Variants in EMSY observed in about 807,000 individuals in gnomAD.
The protein encoded by EMSY is EMSY transcriptional repressor, BRCA2 interacting, also known as BRCA2-interacting transcriptional repressor EMSY.
In EMSY, 26 loss-of-function variants were observed where a neutral mutation model predicts 134.6. The observed-to-expected ratio is 0.19, with a 90% CI of 0.14 to 0.27. The LOEUF is 0.27. Among genes scored for constraint, EMSY ranks in the 10% least tolerant of loss-of-function variants. EMSY has a pLI of 1.00. For synonymous variants in EMSY, 579 were observed against 577.8 expected (o/e 1.00, Z -0.03); for missense variants, 1,305 against 1,611.4 (o/e 0.81, Z 3.26).
chr11:76,465,739 TTTTA>T (rs1363946527), intron 7 of EMSY, among the ~76,000 whole-genome samples: 1 of 152,184 alleles, frequency 6.6e-6, no homozygotes, highest in Non-Finnish European at 1.5e-5. Context: ...TTTTGATCTC[TTTTA>T]TTTAGTTTTC....
At chr11:76,550,217 A>G in exon 21 of EMSY, 1 of 1,305,374 alleles carries the variant, frequency 7.7e-7, no homozygotes, top group Non-Finnish European at 1.0e-6. Flanking sequence ...TTGTATTTTG[A>G]TGACTAAAAA....
chr11:76,462,940 T>C (rs907549669), intron 6 of EMSY, among the ~76,000 whole-genome samples: 6 of 152,208 alleles, frequency 3.9e-5, no homozygotes, highest in Non-Finnish European at 2.9e-5. Context: ...GTGGACAGAC[T>C]GGAAGCATGG....
At chr11:76,529,096 T>G (rs1950945654) in intron 14 of EMSY, among the ~76,000 whole-genome samples, 1 of 152,196 alleles carries the variant, frequency 6.6e-6, no homozygotes, top group Non-Finnish European at 1.5e-5. Context: ...TGAATTATGT[T>G]ACTCTTCTAC....
intron 4 of EMSY, 21 bp downstream of exon 5, chr11:76,454,811 T>C (rs1432684414): frequency 2.0e-5 from 29 of 1,419,538 alleles, no homozygotes; most frequent in Non-Finnish European, 2.7e-5. Context: ...AGGTTATTAT[T>C]ATTTCAGGCT....
chr11:76,533,506 C>T (rs1224055442), intron 14 of EMSY, among the ~76,000 whole-genome samples: 2 of 151,938 alleles, frequency 1.3e-5, no homozygotes, highest in Non-Finnish European at 2.9e-5. Flanking sequence ...GTTCTCAGAC[C>T]CATGGGAATA....
intron 8 of EMSY, among the ~76,000 whole-genome samples, chr11:76,477,085 T>C (rs538567302): frequency 5.3e-5 from 8 of 152,014 alleles, no homozygotes; most frequent in Non-Finnish European, 1.0e-4. Flanking sequence ...ATTATACCTT[T>C]AATGTATTGT....
Position 76,499,450 on chromosome 11 carries a change from G to A in EMSY, c.1363+2981G>A, listed in dbSNP as rs1343303802. Among the ~76,000 whole-genome samples, 3 of 151,420 alleles carry A rather than the reference G, an allele frequency of 2.0e-5. No individual in the cohort carries two copies. In the East Asian group the frequency reaches 5.8e-4, roughly 29 times the overall value. On this transcript the variant is annotated intron_variant, in intron 9 of 20. Transcript: ENST00000334736. ...CTACAGGCGCCTGCCACCACACCCG[G>A]CTAATTTTTTGTATTTTTAGTAGAG...
chr11:76,464,163 T>C, intron 7 of EMSY, 83 bp downstream of exon 8: 1 of 1,473,634 alleles, frequency 6.8e-7, no homozygotes, highest in Non-Finnish European at 9.4e-7. Context: ...CACTGAGTGC[T>C]TACTATGTGC....
chr11:76,544,421 C>A lies in EMSY; in HGVS notation c.2872C>A (p.Pro958Thr), dbSNP rs757824917. The A allele has an allele frequency of 8.7e-6, 14 of 1,614,160 alleles. No homozygotes were observed. In the South Asian group the frequency reaches 1.3e-4, roughly 15 times the overall value. ...TAAACAGCAGAAACTTAGCCAGCCC[C>A]CGCTGGAACAGACTCAGCTGCAAGT... The change falls in exon 19 of 21, where the codon CCG becomes ACG. Residue 958 changes from proline to threonine, a missense_variant. By Grantham distance (38) the Pro-to-Thr change is conservative. Transcript: ENST00000334736.
At chr11:76,543,399 G>C (rs1031088370) in intron 18 of EMSY, among the ~76,000 whole-genome samples, 1 of 152,180 alleles carries the variant, frequency 6.6e-6, no homozygotes, top group East Asian at 1.9e-4. Context: ...ATGGGGATAG[G>C]GTGGATCTTG....
In EMSY at chr11:76,528,503, A is replaced by G. The variant is rs756711213; in HGVS notation, c.2194+37A>G. ...TTTACTTCTGATTTATATAAGTACT[A>G]CTGACATAGTGCCCAAATTCTAAAA... On this transcript the variant is annotated intron_variant, in intron 14 of 20. Coordinates refer to ENST00000334736, the Ensembl canonical transcript of EMSY. 3.8e-5 allele frequency: 56 copies of G among 1,485,728 alleles called. No individual in the cohort carries two copies. The East Asian group carries it at 1.3e-3, about 33-fold the overall frequency. The allele number at this position is 1,485,728 out of a possible 1,614,324, so 92.0% of individuals were successfully genotyped here.
At chr11:76,459,444 G>A (rs1289530079) in intron 5 of EMSY, 1 of 154,634 alleles carries the variant, frequency 6.5e-6, no homozygotes, top group African/African-American at 2.4e-5. Flanking sequence ...TTGAGTTGTT[G>A]TGCTGCTTGG....
intron 7 of EMSY, among the ~76,000 whole-genome samples, chr11:76,470,643 TCA>T (rs1326485367): frequency 1.3e-5 from 2 of 152,156 alleles, no homozygotes; most frequent in Non-Finnish European, 2.9e-5. Context: ...TTAAGTGGTC[TCA>T]CTGCTTCCCC....
At chr11:76,538,988 C>T (rs1951330910) in intron 16 of EMSY, among the ~76,000 whole-genome samples, 1 of 152,090 alleles carries the variant, frequency 6.6e-6, no homozygotes, top group Admixed American at 6.6e-5. Flanking sequence ...CCAAAAAACC[C>T]TTAAATCCAT....
chr11:76,493,003 G>C (rs990883710), intron 8 of EMSY, among the ~76,000 whole-genome samples: 1 of 151,808 alleles, frequency 6.6e-6, no homozygotes. Flanking sequence ...GGAGCTACCC[G>C]CTGTGGGTCT....
intron 7 of EMSY, among the ~76,000 whole-genome samples, chr11:76,465,112 G>A (rs1337857460): frequency 6.6e-6 from 1 of 152,064 alleles, no homozygotes; most frequent in African/African-American, 2.4e-5. Flanking sequence ...GAATATTTAT[G>A]TCCTTCAATT....
At chr11:76,502,790 T>C (rs942201581) in intron 9 of EMSY, among the ~76,000 whole-genome samples, 3 of 152,034 alleles carry the variant, frequency 2.0e-5, no homozygotes, top group Non-Finnish European at 4.4e-5. Context: ...AAATTAAAGA[T>C]CTAAATAAAT....
intron 7 of EMSY, among the ~76,000 whole-genome samples, chr11:76,465,632 T>C (rs574192618): frequency 1.3e-5 from 2 of 152,062 alleles, no homozygotes; most frequent in Non-Finnish European, 2.9e-5. Context: ...TACTCTTTCA[T>C]AGAAGCATTG....
intron 4 of EMSY, 109 bp downstream of exon 5, chr11:76,454,899 C>T: frequency 2.4e-6 from 2 of 818,680 alleles, no homozygotes; most frequent in Non-Finnish European, 3.6e-6. Context: ...TAACCATGCC[C>T]CTTGCTTTCC....
Sources: allele counts gnomAD v4.1 joint callset (sites outside exome capture counted in the v4.1 genomes callset), GRCh38; gene constraint gnomAD v4.1.1; transcripts MANE v1.5; gene names NCBI Gene and HGNC (gene_info 2026-07-23, HGNC 2026-07-21).